MTR: variants seen among roughly 807,000 people sequenced by gnomAD.
MTR encodes the protein methionine synthase.
MTR carries 84 observed loss-of-function variants against 154.8 expected under a neutral mutation model. The ratio of observed to expected loss-of-function variants is 0.54; its 90% CI spans 0.45 to 0.65. The LOEUF is 0.65. MTR is among the 30% of genes least tolerant of loss of function. MTR has a pLI of 0.00. For missense variants in MTR, 1,275 were observed against 1,570.2 expected (o/e 0.81, Z 3.18); for synonymous variants, 554 against 553.9 (o/e 1.00, Z 0.00).
intron 15 of MTR, among the ~76,000 whole-genome samples, chr1:236,846,698 G>C (rs919683875): frequency 1.3e-5 from 2 of 151,982 alleles, no homozygotes; most frequent in Non-Finnish European, 2.9e-5. Context: ...ATTCCTGTGT[G>C]TTTTGTTTGT....
Position 236,820,321 on chromosome 1 carries a change from G to C in MTR, c.764+3778G>C. 1.1e-5 allele frequency: 8 copies of C among 753,728 alleles called. No individual in the cohort carries two copies. In the South Asian group the frequency reaches 1.1e-4, roughly 10 times the overall value. The allele number at this position is 753,728 out of a possible 1,614,324, so 46.7% of individuals were successfully genotyped here. On this transcript the variant is annotated intron_variant, in intron 8 of 32. Coordinates refer to ENST00000366577, the MANE Select transcript of MTR (RefSeq NM_000254.3). ...TGTGACCAAGGAGGAGTTTCAGGGT[G>C]AATGGACTGCTCCAGCTCCCGAGTT...
At chr1:236,849,393 TC>T in intron 15 of MTR, among the ~76,000 whole-genome samples, 1 of 152,228 alleles carries the variant, frequency 6.6e-6, no homozygotes, top group Non-Finnish European at 1.5e-5. Context: ...AAAGAAATAC[TC>T]CGAAGAAGAA....
chr1:236,897,225 A>G (rs1666673874), intron 32 of MTR, 107 bp downstream of exon 32: 2 of 918,296 alleles, frequency 2.2e-6, no homozygotes, highest in African/African-American at 3.3e-5. Flanking sequence ...AAGGATGAAG[A>G]AATTTACTCC....
At chr1:236,843,916 G>A (rs1198749483) in intron 15 of MTR, among the ~76,000 whole-genome samples, 1 of 152,184 alleles carries the variant, frequency 6.6e-6, no homozygotes, top group African/African-American at 2.4e-5. Context: ...GCAAATGAGT[G>A]GATTTCATGG....
Position 236,815,248 on chromosome 1 carries a change from C to G in MTR, c.610-356C>G, listed in dbSNP as rs548724211. 2.0e-5 allele frequency among the ~76,000 whole-genome samples: 3 copies of G among 152,314 alleles called. No individual in the cohort carries two copies. The South Asian group carries it at 6.2e-4, about 32-fold the overall frequency. ...GGCATAATCACAGCTCAACTGCAAC[C>G]TTGAGCTCCTAGGCTCAGGCAGTCG... On this transcript the variant is annotated intron_variant, in intron 6 of 32. Transcript: ENST00000366577.
chr1:236,820,634 G>C, intron 8 of MTR: 1 of 531,806 alleles, frequency 1.9e-6, no homozygotes, highest in Middle Eastern at 5.1e-4. Context: ...GCAGGTTTTT[G>C]TGTAGACATA....
intron 8 of MTR, among the ~76,000 whole-genome samples, chr1:236,823,228 G>A (rs1662079013): frequency 6.6e-6 from 1 of 152,108 alleles, no homozygotes. Flanking sequence ...GAAATGCTTG[G>A]GACCAGAAGT....
intron 14 of MTR, among the ~76,000 whole-genome samples, chr1:236,837,000 C>T (rs1346854095): frequency 2.0e-5 from 3 of 152,172 alleles, no homozygotes; most frequent in Non-Finnish European, 4.4e-5. Context: ...TAACTCAATA[C>T]ATTATTAGTG....
At chr1:236,856,684 TCCC>T (rs1664224794) in intron 18 of MTR, among the ~76,000 whole-genome samples, 1 of 152,068 alleles carries the variant, frequency 6.6e-6, no homozygotes. Context: ...TTCCCTAGCT[TCCC>T]AACCCCCCGA....
At chr1:236,815,242 T>G (rs1382862308) in intron 6 of MTR, among the ~76,000 whole-genome samples, 1 of 152,196 alleles carries the variant, frequency 6.6e-6, no homozygotes, top group Non-Finnish European at 1.5e-5. Context: ...ACAGCTCAAC[T>G]GCAACCTTGA....
intron 22 of MTR, among the ~76,000 whole-genome samples, chr1:236,869,974 A>G (rs1245753812): frequency 6.6e-6 from 1 of 152,144 alleles, no homozygotes; most frequent in Admixed American, 6.5e-5. Flanking sequence ...TACACTGTAA[A>G]TGCTTTCATT....
chr1:236,836,817 A>G (rs758457225), intron 14 of MTR, among the ~76,000 whole-genome samples: 14 of 152,368 alleles, frequency 9.2e-5, no homozygotes, highest in South Asian at 8.3e-4. Flanking sequence ...AATCAGAGGT[A>G]TAGCCAATTG....
intron 1 of MTR, among the ~76,000 whole-genome samples, chr1:236,796,094 T>C (rs1351077294): frequency 6.6e-6 from 1 of 152,104 alleles, no homozygotes; most frequent in Non-Finnish European, 1.5e-5. Flanking sequence ...GTGACGCTTA[T>C]TCGTAAATAT....
Position 236,874,760 on chromosome 1 carries a change from C to T in MTR, c.2508C>T (p.Ser836=). 6.2e-7 allele frequency: 1 copy of T among 1,611,976 alleles called. No individual in the cohort carries two copies. The highest frequency in any genetic ancestry group is 8.5e-7 in the Non-Finnish European group (1 of 1,178,958). Residue 836 remains serine, a synonymous_variant, in exon 24 of 33, where the codon TCC becomes TCT. Transcript: ENST00000366577. The part of the protein sequence containing the change: ...IIGLSGLITP[S]LDEMIFVAKE... The stretch of plus-strand genomic sequence containing the variant: ...GCCTGTCAGGACTCATCACTCCTTC[C>T]CTGGATGAAATGATTTTTGTTGCCA...
At chr1:236,878,635 T>A (rs557984662) in intron 24 of MTR, among the ~76,000 whole-genome samples, 61 of 152,178 alleles carry the variant, frequency 4.0e-4, no homozygotes, top group Non-Finnish European at 7.2e-4. Flanking sequence ...AATCTCATAA[T>A]GTTTTAAGAA....
intron 8 of MTR, among the ~76,000 whole-genome samples, chr1:236,818,881 A>C (rs932034370): frequency 1.3e-5 from 2 of 152,260 alleles, no homozygotes; most frequent in East Asian, 1.9e-4. Flanking sequence ...TATAAAATAC[A>C]CAGTGCTATA....
At chr1:236,847,267 C>G (rs369905025) in intron 15 of MTR, among the ~76,000 whole-genome samples, 5 of 152,284 alleles carry the variant, frequency 3.3e-5, no homozygotes, top group African/African-American at 1.2e-4. Flanking sequence ...TCAACTACTT[C>G]AGTTCGATTT....
intron 12 of MTR, among the ~76,000 whole-genome samples, chr1:236,830,185 AT>A (rs201699383): frequency 3.0e-4 from 44 of 148,396 alleles, no homozygotes; most frequent in Admixed American, 3.4e-4. Context: ...CTAGCCCTTT[AT>A]TTTTTTTTTT....
intron 25 of MTR, among the ~76,000 whole-genome samples, chr1:236,882,639 C>G (rs1019259468): frequency 6.6e-6 from 1 of 152,104 alleles, no homozygotes; most frequent in Non-Finnish European, 1.5e-5. Flanking sequence ...GTGATCCACC[C>G]GCCTCGGCTT....
Sources: allele counts gnomAD v4.1 joint callset (sites outside exome capture counted in the v4.1 genomes callset), GRCh38; gene constraint gnomAD v4.1.1; transcripts MANE v1.5; gene names NCBI Gene and HGNC (gene_info 2026-07-23, HGNC 2026-07-21).